Variants in NBEA observed in about 807,000 individuals in gnomAD.
NBEA encodes lysosomal-trafficking regulator 2.
In NBEA, 44 loss-of-function variants were observed where a neutral mutation model predicts 343.4. The ratio of observed to expected loss-of-function variants is 0.13; its 90% CI spans 0.10 to 0.16. The LOEUF (loss-of-function observed/expected upper bound fraction) is 0.16, where lower values mean the gene tolerates loss of function less well. Among genes scored for constraint, NBEA ranks in the 10% least tolerant of loss-of-function variants. The probability of loss-of-function intolerance (pLI) is 1.00; values close to 1 mark genes in which losing one functional copy is unlikely to be tolerated. For synonymous variants in NBEA, 1,175 were observed against 1,238.7 expected (o/e 0.95, Z 1.08); for missense variants, 2,555 against 3,631.3 (o/e 0.70, Z 7.62).
chr13:35,360,097 A>G (rs896305025), intron 38 of NBEA, among the ~76,000 whole-genome samples: 2 of 151,988 alleles, frequency 1.3e-5, no homozygotes, highest in African/African-American at 4.8e-5. Context: ...TAAGTAATAG[A>G]GACAGGAGCA....
intron 1 of NBEA, among the ~76,000 whole-genome samples, chr13:35,006,054 A>G (rs1341079393): frequency 1.5e-4 from 23 of 152,124 alleles, no homozygotes; most frequent in Admixed American, 1.4e-3. Context: ...AAAAATGTAT[A>G]TATCTATCTG....
chr13:35,130,896 G>A (rs576126677), intron 17 of NBEA, among the ~76,000 whole-genome samples: 1 of 151,798 alleles, frequency 6.6e-6, no homozygotes, highest in African/African-American at 2.4e-5. Context: ...ATAACAAGAA[G>A]TTATTCATTA....
chr13:35,045,107 A>C, intron 3 of NBEA, 60 bp downstream of exon 3: 3 of 1,453,030 alleles, frequency 2.1e-6, no homozygotes, highest in South Asian at 1.2e-5. Context: ...TAATGTTCAA[A>C]AGTTTGTCTC....
intron 41 of NBEA, among the ~76,000 whole-genome samples, chr13:35,490,691 C>G (rs1255951355): frequency 6.6e-6 from 1 of 151,838 alleles, no homozygotes; most frequent in Non-Finnish European, 1.5e-5. Context: ...TTGGCTAAAA[C>G]TGAGTTTTTG....
chr13:35,366,800 A>G (rs1409165528), intron 38 of NBEA, among the ~76,000 whole-genome samples: 3 of 151,348 alleles, frequency 2.0e-5, no homozygotes, highest in African/African-American at 7.3e-5. Context: ...ATTAACACTC[A>G]GTCCTCACTA....
intron 1 of NBEA, among the ~76,000 whole-genome samples, chr13:34,950,471 C>T (rs748479042): frequency 1.6e-4 from 24 of 151,436 alleles, no homozygotes; most frequent in African/African-American, 5.6e-4. Flanking sequence ...TCCATTTGTG[C>T]CCCAATATTC....
intron 27 of NBEA, 45 bp from the exon 28 acceptor site, chr13:35,176,951 T>TA: frequency 6.3e-6 from 8 of 1,263,504 alleles, no homozygotes; most frequent in African/African-American, 1.5e-5. Flanking sequence ...TTCTATATAT[T>TA]ATCTGTAATA....
chr13:35,505,761 T>G (rs746637774), intron 41 of NBEA, among the ~76,000 whole-genome samples: 1 of 152,184 alleles, frequency 6.6e-6, no homozygotes, highest in Non-Finnish European at 1.5e-5. Context: ...TGGAAATCTT[T>G]TGTGTGTGGG....
rs150384182 is a variant in NBEA at position 35,047,957 on chromosome 13, A to G, written c.724-606A>G. On this transcript the variant is annotated intron_variant, in intron 4 of 58. Transcript: ENST00000379939. ...ACATTTTATTTGATTGCTATTTTCA[A>G]GGGAGTCCTATATTACTCCTTTTCT... Among the ~76,000 whole-genome samples, 1,121 of 151,834 alleles carry G rather than the reference A, an allele frequency of 7.4e-3. 13 individuals are homozygous for G. Among genetic ancestry groups the G allele is most frequent in the African/African-American group, 0.026 (1,061 of 41,468 alleles).
intron 39 of NBEA, among the ~76,000 whole-genome samples, chr13:35,443,517 T>C (rs1471620970): frequency 1.3e-5 from 2 of 152,010 alleles, no homozygotes; most frequent in Non-Finnish European, 2.9e-5. Context: ...TCATTCAAAC[T>C]AAAATATCCA....
chr13:35,230,511 C>A (rs1010351811), intron 33 of NBEA, among the ~76,000 whole-genome samples: 1 of 152,050 alleles, frequency 6.6e-6, no homozygotes, highest in Non-Finnish European at 1.5e-5. Context: ...AATTGAGCAT[C>A]AGAAACTATT....
intron 34 of NBEA, among the ~76,000 whole-genome samples, chr13:35,287,540 G>C (rs2035511471): frequency 6.6e-6 from 1 of 151,882 alleles, no homozygotes; most frequent in Admixed American, 6.6e-5. Flanking sequence ...CATCCCCCAA[G>C]CTATAAAGGT....
intron 1 of NBEA, among the ~76,000 whole-genome samples, chr13:34,962,357 A>AT (rs1455600978): frequency 6.6e-6 from 1 of 152,070 alleles, no homozygotes; most frequent in Non-Finnish European, 1.5e-5. Context: ...TTCTGGTTAT[A>AT]TGTCAGTAAA....
At chr13:35,585,145 C>T (rs1351170622) in intron 46 of NBEA, among the ~76,000 whole-genome samples, 1 of 1,116 alleles carries the variant, frequency 9.0e-4, no homozygotes, top group Non-Finnish European at 3.1e-3. Context: ...AAAAAAAAGC[C>T]TCCTGCCAGC....
intron 1 of NBEA, among the ~76,000 whole-genome samples, chr13:35,030,680 A>C (rs2062178430): frequency 6.6e-6 from 1 of 151,722 alleles, no homozygotes; most frequent in Admixed American, 6.6e-5. Flanking sequence ...TCTTGGGATG[A>C]TATTTTCATT....
intron 34 of NBEA, among the ~76,000 whole-genome samples, chr13:35,264,117 C>A (rs554827727): frequency 1.3e-5 from 2 of 149,268 alleles, no homozygotes; most frequent in East Asian, 3.9e-4. Context: ...CAACAAGAGA[C>A]TATTATGAAT....
chr13:35,182,543 A>G lies in NBEA; in HGVS notation c.4831+15A>G, dbSNP rs771380852. 16 of 1,590,108 alleles carry G rather than the reference A, an allele frequency of 1.0e-5. No individual in the cohort carries two copies. In the South Asian group the frequency reaches 1.5e-4, roughly 15 times the overall value. On this transcript the variant is annotated intron_variant, in intron 29 of 58. Coordinates refer to ENST00000379939, the MANE Select transcript of NBEA (RefSeq NM_001385012.1). ...AACAAGTACAGGTACTTAACATTGT[A>G]TAATTATTTGAATTTTCACCATGAT...
rs2085657748 is a variant in NBEA at position 35,672,735 on chromosome 13, C to T, written c.*1744C>T. 1 of 152,644 alleles carries T rather than the reference C, an allele frequency of 6.6e-6. No individual in the cohort carries two copies. The highest frequency in any genetic ancestry group is 2.4e-5 in the African/African-American group (1 of 41,448). 9.5% of individuals were successfully genotyped at this position (152,644 alleles called of 1,614,324 possible). On this transcript the variant is annotated 3_prime_UTR_variant, in exon 59 of 59. Transcript: ENST00000379939. ...AGAAAAATAAAATATGCAAAGAATT[C>T]ACCGACTGTTTCAGATTTCATTGGA...
chr13:35,050,352 A>G lies in NBEA; in HGVS notation c.929A>G (p.Lys310Arg). 1.2e-6 allele frequency: 2 copies of G among 1,609,072 alleles called. No individual in the cohort carries two copies. Among genetic ancestry groups the G allele is most frequent in the Non-Finnish European group, 1.7e-6 (2 of 1,178,032 alleles). ...GTCACATCATTGAAGTCCAAAGGAA[A>G]AGGTTTTCAGCATTGTGTGAAATAT... ...LIVTSLKSKG[K>R]GFQHCVKYDF... Residue 310 changes from lysine to arginine, a missense_variant, in exon 6 of 59, where the codon AAA becomes AGA. This residue lies in a region of NBEA where 75 missense variants were observed against 237.4 expected (regional missense o/e 0.32). Transcript: ENST00000379939.
Sources: allele counts gnomAD v4.1 joint callset (sites outside exome capture counted in the v4.1 genomes callset), GRCh38; gene constraint gnomAD v4.1.1; regional missense constraint gnomAD v4.1.1; transcripts MANE v1.5; gene names NCBI Gene and HGNC (gene_info 2026-07-23, HGNC 2026-07-21).